The following U2SURP variants were observed in gnomAD, a reference collection of about 807,000 sequenced individuals.
The protein encoded by U2SURP is U2 snRNP associated SURP domain containing, also known as U2 snRNP-associated SURP motif-containing protein.
U2SURP carries 9 observed loss-of-function variants against 144.9 expected under a neutral mutation model. The observed-to-expected ratio is 0.06, with a 90% CI of 0.04 to 0.11. U2SURP has a LOEUF of 0.11. U2SURP is among the 10% of genes least tolerant of loss of function. U2SURP has a pLI of 1.00. For missense variants in U2SURP, 724 were observed against 1,226.7 expected, an observed-to-expected ratio of 0.59 and a Z score of 6.12; for synonymous variants, 408 against 396.8, an observed-to-expected ratio of 1.03 and a Z score of -0.33.
chr3:143,012,218 G>A lies in U2SURP; in HGVS notation c.91-4G>A, dbSNP rs1936151520. ...TTTTTTCTCTTGTTTTACTTTTCCT[G>A]AAGATGGATGCATCTGGACCCTCAG... On this transcript the variant is annotated splice_region_variant and splice_polypyrimidine_tract_variant and intron_variant, in intron 2 of 27. Transcript: ENST00000473835. 1 of 1,606,672 alleles carries A rather than the reference G, an allele frequency of 6.2e-7. No individual in the cohort carries two copies. The highest frequency in any genetic ancestry group is 8.5e-7 in the Non-Finnish European group (1 of 1,177,490).
chr3:143,023,521 A>G (rs1932956870), intron 12 of U2SURP: 1 of 166,468 alleles, frequency 6.0e-6, no homozygotes, highest in Non-Finnish European at 1.3e-5. Context: ...AAGGGTGAGT[A>G]TTTTCTTTTT....
In U2SURP at chr3:143,012,601, A is replaced by T. The variant is rs540690174; in HGVS notation, c.222+248A>T. Among the ~76,000 whole-genome samples the T allele has an allele frequency of 2.1e-3, 327 of 152,244 alleles. 3 individuals carry two copies. The highest frequency in any genetic ancestry group is 7.5e-3 in the African/African-American group (311 of 41,564). On this transcript the variant is annotated intron_variant, in intron 3 of 27. Coordinates refer to ENST00000473835, the MANE Select transcript of U2SURP (RefSeq NM_001080415.2). ...ATTTGAAAAACAAAGTAGTGTTTGG[A>T]TTTAAAATGGTTAATTGTCAAGTTT...
chr3:143,009,772 A>G (rs2175739), intron 1 of U2SURP, among the ~76,000 whole-genome samples: 90,542 of 151,460 alleles, frequency 0.6, 27,273 homozygotes, highest in East Asian at 0.69. Flanking sequence ...TGTCTGGACA[A>G]TGTAAATAAA....
chr3:143,025,680 G>A (rs1426148776), intron 13 of U2SURP: 2 of 152,112 alleles, frequency 1.3e-5, no homozygotes, highest in Admixed American at 6.6e-5. Context: ...AGAAAATTAA[G>A]CAATGTTTTT....
chr3:143,040,108 C>T (rs971530424), intron 23 of U2SURP, among the ~76,000 whole-genome samples: 18 of 151,560 alleles, frequency 1.2e-4, no homozygotes, highest in African/African-American at 3.1e-4. Context: ...AAGTAGTATA[C>T]GTACTCATAA....
At chr3:143,024,054 T>C (rs759500803) in intron 13 of U2SURP, 36 bp downstream of exon 13, 1 of 1,546,648 alleles carries the variant, frequency 6.5e-7, no homozygotes, top group Non-Finnish European at 8.9e-7. Context: ...GATCTAAATA[T>C]AGACAATATC....
chr3:143,014,324 A>G lies in U2SURP; in HGVS notation c.236A>G (p.Asn79Ser), dbSNP rs952864456. Reference protein sequence around the residue: ...HQNLSRPLLENKLKAFSIGKM... With the variant: ...HQNLSRPLLESKLKAFSIGKM... ...TTTATTTCTTAGCCTCTTCTGGAAA[A>G]CAAACTTAAAGCATTCAGTATTGGA... Residue 79 changes from asparagine (N) to serine (S), a missense_variant, in exon 4 of 28, where the codon AAC (asparagine) becomes AGC (serine). By Grantham distance (46) the Asn-to-Ser change is conservative. Transcript: ENST00000473835. 3.1e-6 allele frequency: 5 copies of G among 1,602,314 alleles called. No individual in the cohort carries two copies. Among genetic ancestry groups the G allele is most frequent in the Non-Finnish European group, 4.3e-6 (5 of 1,174,824 alleles).
intron 24 of U2SURP, among the ~76,000 whole-genome samples, chr3:143,050,197 C>CTGCCTCAGTTCAAG (rs1934780581): frequency 2.6e-5 from 4 of 152,108 alleles, no homozygotes; most frequent in Non-Finnish European, 5.9e-5. Context: ...CCTCAGTCTC[C>CTGCCTCAGTTCAAG]CGAGTAGCTG....
At chr3:143,011,913 A>G in intron 2 of U2SURP, 1 of 498,442 alleles carries the variant, frequency 2.0e-6, no homozygotes, top group South Asian at 1.6e-5. Context: ...ACTGACAGGC[A>G]AACTATGGTG....
intron 16 of U2SURP, among the ~76,000 whole-genome samples, chr3:143,031,988 C>T (rs1456997253): frequency 1.3e-5 from 2 of 152,134 alleles, no homozygotes; most frequent in African/African-American, 4.8e-5. Context: ...ATTCCCTTCC[C>T]TACATGTTGT....
chr3:143,054,855 GTAGCAATTAA>G, intron 26 of U2SURP, 78 bp from the exon 27 acceptor site: 1 of 1,319,184 alleles, frequency 7.6e-7, no homozygotes, highest in Non-Finnish European at 1.0e-6. Context: ...GAGTAAGCTG[GTAGCAATTAA>G]TAGCTAATTT....
chr3:143,014,412 A>G lies in U2SURP; in HGVS notation c.321+3A>G. 1 of 1,564,766 alleles carries G rather than the reference A, an allele frequency of 6.4e-7. No individual in the cohort carries two copies. The highest frequency in any genetic ancestry group is 1.1e-5 in the South Asian group (1 of 88,050). On this transcript the variant is annotated splice_donor_region_variant and intron_variant, in intron 4 of 27. Transcript: ENST00000473835. ...AACAGGAAGAATTAAAGAAAAAGGT[A>G]ATGTTGAAAATGTATTTTGAATTAT... is the stretch of plus-strand genomic sequence containing the variant.
chr3:143,038,486 C>CGTAG (rs1933927804), intron 22 of U2SURP, among the ~76,000 whole-genome samples: 1 of 151,954 alleles, frequency 6.6e-6, no homozygotes, highest in Admixed American at 6.6e-5. Flanking sequence ...GCTGTACCTA[C>CGTAG]GTAGAAATCT....
At chr3:143,032,495 G>A (rs1933560564) in intron 16 of U2SURP, among the ~76,000 whole-genome samples, 1 of 152,192 alleles carries the variant, frequency 6.6e-6, no homozygotes. Context: ...GGGATGGTAA[G>A]ACTGGGGTGC....
At chr3:143,045,452 A>C (rs1189975374) in intron 24 of U2SURP, among the ~76,000 whole-genome samples, 4 of 151,770 alleles carry the variant, frequency 2.6e-5, no homozygotes, top group Admixed American at 1.3e-4. Context: ...GTTAAATAGA[A>C]GTGTATTTTC....
intron 24 of U2SURP, among the ~76,000 whole-genome samples, chr3:143,043,754 A>G (rs1223777481): frequency 6.6e-6 from 1 of 150,868 alleles, no homozygotes; most frequent in African/African-American, 2.4e-5. Flanking sequence ...ATTATGTGTT[A>G]TGTACTGTGA....
At position 143,010,722 on chromosome 3, in the gene U2SURP, G is replaced by A; in HGVS notation, c.46-93G>A. The A allele has an allele frequency of 4.3e-6, 4 of 932,352 alleles. No homozygotes were observed. The South Asian group carries it at 6.5e-5, about 15-fold the overall frequency. The allele number at this position is 932,352 out of a possible 1,614,324, so 57.8% of individuals were successfully genotyped here. On this transcript the variant is annotated intron_variant, in intron 1 of 27. Transcript: ENST00000473835. ...ATTAGCTGAGGAGAAATTGCCAGAAGTTAGGAAACTCTTAAGTTTGTATAA... is the reference window on the plus strand; with the variant it reads ...ATTAGCTGAGGAGAAATTGCCAGAAATTAGGAAACTCTTAAGTTTGTATAA...
At chr3:143,023,879 T>C (rs1297353139) in intron 12 of U2SURP, 96 bp from the exon 13 acceptor site, 3 of 1,113,416 alleles carry the variant, frequency 2.7e-6, no homozygotes, top group African/African-American at 1.5e-5. Context: ...TGATTAGATA[T>C]GTAGTATTTT....
intron 15 of U2SURP, 34 bp downstream of exon 15, chr3:143,028,440 T>A: frequency 6.2e-7 from 1 of 1,609,136 alleles, no homozygotes; most frequent in Non-Finnish European, 8.5e-7. Flanking sequence ...TAATTTTGAC[T>A]CTGAGTAATT....
Sources: allele counts gnomAD v4.1 joint callset (sites outside exome capture counted in the v4.1 genomes callset), GRCh38; gene constraint gnomAD v4.1.1; transcripts MANE v1.5; gene names NCBI Gene and HGNC (gene_info 2026-07-23, HGNC 2026-07-21).